BTBD8: variants seen among roughly 807,000 people sequenced by gnomAD.
BTBD8 encodes the protein BTB/POZ domain-containing protein 8.
In BTBD8, 110 loss-of-function variants were observed where a neutral mutation model predicts 162.9. That is an observed-to-expected ratio of 0.68 (90% CI 0.58 to 0.79). The LOEUF is 0.79. BTBD8 is among the 30% of genes least tolerant of loss of function. BTBD8 has a pLI of 0.00. For missense variants in BTBD8, 1,905 were observed against 2,085.4 expected (o/e 0.91, Z 1.68); for synonymous variants, 667 against 716.1 (o/e 0.93, Z 1.10).
intron 1 of BTBD8, 112 bp from the exon 2 acceptor site, chr1:92,088,586 T>C (rs1648216889): frequency 1.2e-6 from 1 of 806,378 alleles, no homozygotes; most frequent in African/African-American, 1.8e-5. Flanking sequence ...ATTAACTTTA[T>C]GTTGCCTCTG....
chr1:92,184,266 T>C lies in BTBD8; in HGVS notation c.5315T>C (p.Phe1772Ser). The C allele has an allele frequency of 1.3e-6, 2 of 1,551,614 alleles. No individual in the cohort carries two copies. The highest frequency in any genetic ancestry group is 1.7e-6 in the Non-Finnish European group (2 of 1,146,836). The change falls in exon 18 of 18, where the codon TTT (phenylalanine) becomes TCT (serine). Residue 1772 changes from phenylalanine to serine, a missense_variant. By Grantham distance (155) the Phe-to-Ser change is radical. This residue lies in a region of BTBD8 where 517 missense variants were observed against 606.6 expected (regional missense o/e 0.85). Transcript: ENST00000636805. ...DSSASITMAS[F>S]SSEDCSPQGE... ...TCAGCGAGCATCACCATGGCTAGTT[T>C]TTCCTCTGAAGATTGTTCGCCTCAA...
intron 4 of BTBD8, among the ~76,000 whole-genome samples, chr1:92,109,886 AT>A (rs1648845589): frequency 6.6e-6 from 1 of 152,188 alleles, no homozygotes; most frequent in African/African-American, 2.4e-5. Context: ...TAATTTTTTA[AT>A]TATACATACT....
intron 4 of BTBD8, among the ~76,000 whole-genome samples, chr1:92,122,537 G>C (rs12145338): frequency 0.24 from 36,052 of 151,420 alleles, 5,125 homozygotes; most frequent in South Asian, 0.32. Flanking sequence ...GATTACAGGC[G>C]TGAGCCACCG....
At chr1:92,171,536 A>G (rs1650546655) in intron 13 of BTBD8, 76 bp downstream of exon 13, 2 of 954,712 alleles carry the variant, frequency 2.1e-6, no homozygotes, top group East Asian at 6.2e-5. Context: ...TATATTTCAG[A>G]AAAAGTTTTA....
chr1:92,119,935 C>G (rs1424536738), intron 4 of BTBD8, among the ~76,000 whole-genome samples: 1 of 112,702 alleles, frequency 8.9e-6, no homozygotes, highest in Non-Finnish European at 1.7e-5. Flanking sequence ...GAGTCTCACT[C>G]TATTGCCCAG....
chr1:92,083,584 G>A (rs968178825), intron 1 of BTBD8, among the ~76,000 whole-genome samples: 1 of 152,172 alleles, frequency 6.6e-6, no homozygotes, highest in African/African-American at 2.4e-5. Context: ...GTGACAGTAG[G>A]TAAGGGTGAA....
At chr1:92,103,322 A>G (rs1648647878) in intron 3 of BTBD8, among the ~76,000 whole-genome samples, 2 of 152,238 alleles carry the variant, frequency 1.3e-5, no homozygotes, top group South Asian at 2.1e-4. Context: ...GATTCCTGTT[A>G]TATTACAGTC....
intron 9 of BTBD8, among the ~76,000 whole-genome samples, chr1:92,160,578 C>A (rs1487137076): frequency 6.6e-6 from 1 of 151,992 alleles, no homozygotes; most frequent in Non-Finnish European, 1.5e-5. Flanking sequence ...GGCTTCCAAG[C>A]ATCTAGAGTA....
At chr1:92,147,896 G>T in intron 9 of BTBD8, 110 bp downstream of exon 9, 2 of 962,312 alleles carry the variant, frequency 2.1e-6, no homozygotes, top group South Asian at 3.3e-5. Flanking sequence ...GTAAAAGCAA[G>T]AGGCGTGAAC....
chr1:92,106,535 C>A (rs1353658458), intron 3 of BTBD8, among the ~76,000 whole-genome samples: 2 of 151,648 alleles, frequency 1.3e-5, no homozygotes, highest in Non-Finnish European at 2.9e-5. Context: ...GTGGCATACA[C>A]CTGTAGTCCC....
Position 92,182,129 on chromosome 1 carries a change from G to A in BTBD8, c.4446G>A (p.Arg1482=). The A allele has an allele frequency of 6.4e-7, 1 of 1,551,292 alleles. No homozygotes were observed. Among genetic ancestry groups the A allele is most frequent in the African/African-American group, 1.4e-5 (1 of 73,118 alleles). The change falls in exon 17 of 18, where the codon AGG becomes AGA. Residue 1482 remains arginine, a synonymous_variant. Coordinates refer to ENST00000636805, the MANE Select transcript of BTBD8 (RefSeq NM_001376131.1). ...FDGISHEHHG[R]TCYSRFSRES... ...GCATTTCTCATGAACATCATGGAAG[G>A]ACCTGCTATTCCAGATTCTCACGAG...
At chr1:92,111,398 G>A (rs1648890796) in intron 4 of BTBD8, among the ~76,000 whole-genome samples, 1 of 152,064 alleles carries the variant, frequency 6.6e-6, no homozygotes, top group African/African-American at 2.4e-5. Context: ...TCATTCATTT[G>A]GTTAAGATGT....
At chr1:92,106,660 CAAAAAAAAAAAAAAAAAA>C (rs60676530) in intron 3 of BTBD8, among the ~76,000 whole-genome samples, 2 of 9,944 alleles carry the variant, frequency 2.0e-4, no homozygotes, top group African/African-American at 7.9e-4. Flanking sequence ...GACTCTGTCT[CAAAAAAAAAAAAAAAAAA>C]AAAAAAAAAA....
intron 2 of BTBD8, among the ~76,000 whole-genome samples, chr1:92,101,991 C>T (rs916311667): frequency 6.6e-6 from 1 of 152,094 alleles, no homozygotes; most frequent in Non-Finnish European, 1.5e-5. Flanking sequence ...AGCCATCACA[C>T]CCGGCTTCTG....
chr1:92,126,503 A>T, intron 4 of BTBD8: 2 of 494,076 alleles, frequency 4.0e-6, no homozygotes, highest in South Asian at 3.4e-5. Context: ...CCTCTCCTCA[A>T]TCCTCTTCAC....
intron 4 of BTBD8, chr1:92,125,608 G>T: frequency 3.7e-6 from 1 of 272,034 alleles, no homozygotes; most frequent in Non-Finnish European, 7.3e-6. Flanking sequence ...CGTCAGCACT[G>T]AAGTCTACAT....
At chr1:92,100,520 CTG>C (rs1648562906) in intron 2 of BTBD8, among the ~76,000 whole-genome samples, 2 of 152,070 alleles carry the variant, frequency 1.3e-5, no homozygotes, top group Non-Finnish European at 2.9e-5. Flanking sequence ...CTCAGATACT[CTG>C]TTTCTTCTTG....
At chr1:92,169,988 T>C (rs1182815517) in intron 12 of BTBD8, among the ~76,000 whole-genome samples, 1 of 152,174 alleles carries the variant, frequency 6.6e-6, no homozygotes, top group Non-Finnish European at 1.5e-5. Context: ...TTTTAAATGA[T>C]GGTTTATTTT....
intron 4 of BTBD8, among the ~76,000 whole-genome samples, chr1:92,126,855 G>A (rs1253547530): frequency 6.6e-6 from 1 of 152,024 alleles, no homozygotes; most frequent in Non-Finnish European, 1.5e-5. Context: ...TTAGACTGTG[G>A]CTATATATGC....
Sources: allele counts gnomAD v4.1 joint callset (sites outside exome capture counted in the v4.1 genomes callset), GRCh38; gene constraint gnomAD v4.1.1; regional missense constraint gnomAD v4.1.1; transcripts MANE v1.5; gene names NCBI Gene and HGNC (gene_info 2026-07-23, HGNC 2026-07-21).